Variants in NSUN2 observed in about 807,000 individuals in gnomAD.
NSUN2 encodes NOP2/Sun RNA methyltransferase 2.
A neutral mutation model predicts 92.7 loss-of-function variants in NSUN2; 63 were observed. The ratio of observed to expected loss-of-function variants is 0.68; its 90% CI spans 0.56 to 0.84. The LOEUF (loss-of-function observed/expected upper bound fraction) is 0.84. Ranked by LOEUF, NSUN2 falls within the 40% of genes least tolerant of loss-of-function variation. The pLI is 0.00. For synonymous variants in NSUN2, 356 were observed against 348.3 expected, an observed-to-expected ratio of 1.02 and a Z score of -0.25; for missense variants, 989 against 964.9, an observed-to-expected ratio of 1.02 and a Z score of -0.33.
At chr5:6,602,387 T>C (rs1736591846) in intron 18 of NSUN2, 74 bp downstream of exon 18, 2 of 1,464,714 alleles carry the variant, frequency 1.4e-6, no homozygotes, top group Non-Finnish European at 1.9e-6. Context: ...CCCAAGTCAC[T>C]TTCCTCACCA....
intron 3 of NSUN2, among the ~76,000 whole-genome samples, chr5:6,628,726 TG>T (rs1737754813): frequency 1.3e-5 from 2 of 152,262 alleles, no homozygotes; most frequent in African/African-American, 4.8e-5. Flanking sequence ...AATAAATAAA[TG>T]TTTAGAGAAT....
chr5:6,608,983 C>T (rs935034904), intron 12 of NSUN2, among the ~76,000 whole-genome samples: 2 of 152,210 alleles, frequency 1.3e-5, no homozygotes, highest in African/African-American at 4.8e-5. Flanking sequence ...ACCCTGGTGG[C>T]GGCAGAAGTG....
At chr5:6,631,200 T>C (rs370901278) in intron 3 of NSUN2, among the ~76,000 whole-genome samples, 13 of 152,200 alleles carry the variant, frequency 8.5e-5, no homozygotes, top group African/African-American at 1.7e-4. Flanking sequence ...TTCCCACTTA[T>C]GTAAGTTAAC....
rs981272250 is a variant in NSUN2, at chr5:6,632,987, G to A, written c.-8C>T. On this transcript the variant is annotated 5_prime_UTR_variant, in exon 1 of 19. Transcript: ENST00000264670. The stretch of plus-strand genomic sequence containing the variant: ...CCGCGACCGCCGCCCCATAGCCCAC[G>A]CGGCCGCGCACGCAGCACGCAGAAA... 1.2e-5 allele frequency: 18 copies of A among 1,451,758 alleles called. No homozygotes were observed. The African/African-American group carries it at 2.4e-4, about 19-fold the overall frequency. The allele number at this position is 1,451,758 out of a possible 1,614,324, so 89.9% of individuals were successfully genotyped here. A position where few individuals can be genotyped will look rare whatever the true frequency, so the allele number is the denominator to read the frequency against.
At position 6,610,683 on chromosome 5, in the gene NSUN2, C is replaced by CA. The variant is rs10718851; in HGVS notation, c.1226+271dup. On this transcript the variant is annotated intron_variant, in intron 11 of 18. Transcript: ENST00000264670. Reference sequence around the variant, plus strand: ...TGGATGACAGAGTGAGACTCTCTCTCAAAAAAAAAAAAAAAAAGTTCATGA... The same window carrying CA: ...TGGATGACAGAGTGAGACTCTCTCTCAAAAAAAAAAAAAAAAAAGTTCATGA... Among the ~76,000 whole-genome samples the CA allele has an allele frequency of 0.01, 1,297 of 127,344 alleles. 18 individuals are homozygous for CA. Among genetic ancestry groups the CA allele is most frequent in the African/African-American group, 0.035 (1,126 of 32,556 alleles). 83.5% of individuals were successfully genotyped at this position (127,344 alleles called of 152,430 possible).
At chr5:6,625,989 T>C (rs1737639793) in intron 3 of NSUN2, among the ~76,000 whole-genome samples, 1 of 152,182 alleles carries the variant, frequency 6.6e-6, no homozygotes, top group African/African-American at 2.4e-5. Flanking sequence ...CTCTTCACCA[T>C]TATAAGGTAA....
At chr5:6,606,796 T>C (rs372507011) in intron 14 of NSUN2, 24 bp downstream of exon 14, 1 of 1,318,606 alleles carries the variant, frequency 7.6e-7, no homozygotes, top group Non-Finnish European at 1.1e-6. Flanking sequence ...TTTAAATGAA[T>C]AATTAAAAAG....
At chr5:6,629,786 C>A (rs1737799071) in intron 3 of NSUN2, among the ~76,000 whole-genome samples, 1 of 152,162 alleles carries the variant, frequency 6.6e-6, no homozygotes, top group African/African-American at 2.4e-5. Context: ...GTTGTTCTCA[C>A]AACAGTGAGT....
At position 6,622,622 on chromosome 5, in the gene NSUN2, C is replaced by T. The variant is rs146907045; in HGVS notation, c.538-522G>A. On this transcript the variant is annotated intron_variant, in intron 5 of 18. Coordinates refer to ENST00000264670, the MANE Select transcript of NSUN2 (RefSeq NM_017755.6). ...CAGCACTTTGGAAGGCCAAGGCAGGCGGATCGCCTGAGGTCGGGAGTTCGA... is the reference window on the plus strand; with the variant it reads ...CAGCACTTTGGAAGGCCAAGGCAGGTGGATCGCCTGAGGTCGGGAGTTCGA... Among the ~76,000 whole-genome samples, 1,356 of 152,152 alleles carry T rather than the reference C, an allele frequency of 8.9e-3. 19 individuals carry two copies. Among genetic ancestry groups the T allele is most frequent in the African/African-American group, 0.03 (1,242 of 41,528 alleles).
At chr5:6,623,044 G>GAAA (rs111573762) in intron 5 of NSUN2, among the ~76,000 whole-genome samples, 170 bp downstream of exon 5, 1 of 72,958 alleles carries the variant, frequency 1.4e-5, no homozygotes, top group African/African-American at 4.6e-5. Context: ...GGACAAAAAA[G>GAAA]AAAAAAAAAA....
In NSUN2 at chr5:6,604,289, A is replaced by C. The variant is rs1736671963; in HGVS notation, c.1819-13T>G. On this transcript the variant is annotated splice_polypyrimidine_tract_variant and intron_variant, in intron 16 of 18. Coordinates refer to ENST00000264670, the MANE Select transcript of NSUN2 (RefSeq NM_017755.6). ...ATGTATATATTCCCTGTGTGAATAA[A>C]GAGAATGAGAGAACAGATACCATGA... is the stretch of plus-strand genomic sequence containing the variant. 1.9e-6 allele frequency: 3 copies of C among 1,581,486 alleles called. No individual in the cohort carries two copies. The highest frequency in any genetic ancestry group is 2.6e-6 in the Non-Finnish European group (3 of 1,155,122).
rs758442134 is a variant in NSUN2 at position 6,600,186 on chromosome 5, C to G, written c.2044G>C (p.Gly682Arg). Reference protein sequence around the residue: ...QCPIVLCGWRGKASIRTFVPK... With the variant: ...QCPIVLCGWRRKASIRTFVPK... ...ACAAAAGTTCGAATGGAGGCCTTTC[C>G]CCGCCATCCGCATAAGACGATGGGA... The change falls in exon 19 of 19, where the codon GGA (glycine) becomes CGA (arginine). Residue 682 changes from glycine to arginine, a missense_variant. Gly to Arg is a moderately radical substitution (Grantham distance 125, BLOSUM62 -2). Transcript: ENST00000264670. 3 of 1,614,196 alleles carry G rather than the reference C, an allele frequency of 1.9e-6. No individual in the cohort carries two copies. Among genetic ancestry groups the G allele is most frequent in the South Asian group, 1.1e-5 (1 of 91,084 alleles).
At position 6,623,197 on chromosome 5, in the gene NSUN2, T is replaced by C. The variant is rs749142381; in HGVS notation, c.537+17A>G. On this transcript the variant is annotated intron_variant, in intron 5 of 18. Transcript: ENST00000264670. ...AACAAGCTGCCCGCCCCCACGTTTC[T>C]AGTTGCTATATGCTACCTTATGATG... is the stretch of plus-strand genomic sequence containing the variant. 5.7e-6 allele frequency: 9 copies of C among 1,581,262 alleles called. No homozygotes were observed. Among genetic ancestry groups the C allele is most frequent in the African/African-American group, 2.7e-5 (2 of 73,000 alleles).
At chr5:6,603,380 A>G (rs1321664471) in intron 17 of NSUN2, among the ~76,000 whole-genome samples, 1 of 152,216 alleles carries the variant, frequency 6.6e-6, no homozygotes, top group Non-Finnish European at 1.5e-5. Flanking sequence ...CAGTCTCGTG[A>G]GGCTGTGTAC....
intron 3 of NSUN2, among the ~76,000 whole-genome samples, chr5:6,628,032 C>T (rs778298016): frequency 6.6e-6 from 1 of 152,114 alleles, no homozygotes; most frequent in African/African-American, 2.4e-5. Flanking sequence ...TATGACAAAC[C>T]ATCCTCAATC....
At chr5:6,615,661 C>G (rs551739689) in intron 9 of NSUN2, among the ~76,000 whole-genome samples, 1 of 152,208 alleles carries the variant, frequency 6.6e-6, no homozygotes, top group African/African-American at 2.4e-5. Flanking sequence ...ACCAGCCAGC[C>G]GCCAAGGGGA....
At position 6,617,892 on chromosome 5, in the gene NSUN2, A is replaced by G; in HGVS notation, c.890+58T>C. 3.6e-6 allele frequency: 5 copies of G among 1,371,116 alleles called. 1 individual carries two copies. Among genetic ancestry groups the G allele is most frequent in the East Asian group, 2.4e-5 (1 of 41,922 alleles). 84.9% of individuals were successfully genotyped at this position (1,371,116 alleles called of 1,614,324 possible). On this transcript the variant is annotated intron_variant, in intron 8 of 18. Transcript: ENST00000264670. Reference sequence around the variant, plus strand: ...AGATCGGATGCTCACTTGCATAACAATAAATCTCTGCTGATCTACTTGTCA... The same window carrying G: ...AGATCGGATGCTCACTTGCATAACAGTAAATCTCTGCTGATCTACTTGTCA...
rs1217260865 is a variant in NSUN2, at chr5:6,614,094, GGAAAAA to G, written c.1022-2302_1022-2297del. 3.0e-4 allele frequency among the ~76,000 whole-genome samples: 16 copies of G among 53,412 alleles called. 4 individuals are homozygous for G. Among genetic ancestry groups the G allele is most frequent in the African/African-American group, 1.1e-3 (14 of 12,460 alleles). The allele number at this position is 53,412 out of a possible 152,430, so 35.0% of individuals were successfully genotyped here. ...CTGGGCAACAGAGCGAGACTGTCTC[GGAAAAA>G]AAAAAAAAAAAAAAAAAAAAAACCC... On this transcript the variant is annotated intron_variant, in intron 9 of 18. Transcript: ENST00000264670.
chr5:6,606,587 G>GT lies in NSUN2; in HGVS notation c.1601+232dup, dbSNP rs1160217919. Among the ~76,000 whole-genome samples the GT allele has an allele frequency of 9.5e-3, 1,432 of 150,916 alleles. 19 individuals carry two copies. The highest frequency in any genetic ancestry group is 0.033 in the African/African-American group (1,344 of 41,158). On this transcript the variant is annotated intron_variant, in intron 14 of 18. Transcript: ENST00000264670. ...GCCGTGAGCCACCGCGCCCGGTCCA[G>GT]TTTTTTTTTATCTATCATGTTCACA...
Sources: gnomAD v4.1 joint callset for allele counts (sites outside exome capture counted in the v4.1 genomes callset) on GRCh38, gnomAD v4.1.1 for gene constraint, MANE v1.5 for transcripts, NCBI Gene and HGNC (gene_info 2026-07-23, HGNC 2026-07-21) for gene names.